The following FAM174A variants were observed in gnomAD, a reference collection of about 807,000 sequenced individuals.
FAM174A encodes the protein membrane protein FAM174A.
In FAM174A, 14 loss-of-function variants were observed where a neutral mutation model predicts 14.3. The ratio of observed to expected loss-of-function variants is 0.98; its 90% CI spans 0.65 to 1.53. The LOEUF is 1.53. Among genes scored for constraint, FAM174A ranks in the 40% most tolerant of loss-of-function variants. The pLI is 0.00. For synonymous variants in FAM174A, 108 were observed against 111.4 expected (o/e 0.97, Z 0.19); for missense variants, 241 against 249.6 (o/e 0.97, Z 0.23).
intron 2 of FAM174A, among the ~76,000 whole-genome samples, chr5:100,577,861 C>T (rs2112402492): frequency 6.6e-6 from 1 of 151,998 alleles, no homozygotes; most frequent in African/African-American, 2.4e-5. Context: ...CAAAATTTTT[C>T]TGAAGATTAA....
At chr5:100,573,744 C>T (rs894920166) in intron 2 of FAM174A, among the ~76,000 whole-genome samples, 1 of 150,468 alleles carries the variant, frequency 6.6e-6, no homozygotes, top group South Asian at 2.1e-4. Flanking sequence ...TCATATGGAA[C>T]CAAAAAAGAG....
chr5:100,571,446 G>A (rs13360835), intron 2 of FAM174A, among the ~76,000 whole-genome samples: 1 of 151,210 alleles, frequency 6.6e-6, no homozygotes, highest in South Asian at 2.1e-4. Flanking sequence ...CAAGAAATTT[G>A]TCCATAATAC....
intron 1 of FAM174A, among the ~76,000 whole-genome samples, chr5:100,557,874 T>C (rs903032030): frequency 5.3e-5 from 8 of 152,106 alleles, no homozygotes; most frequent in African/African-American, 1.9e-4. Flanking sequence ...TTTGTTGATC[T>C]TTTCAAAAAA....
At chr5:100,560,413 A>T (rs768304409) in intron 1 of FAM174A, among the ~76,000 whole-genome samples, 15 of 152,124 alleles carry the variant, frequency 9.9e-5, no homozygotes, top group Non-Finnish European at 1.8e-4. Flanking sequence ...ATATTTACTG[A>T]CCCTTTCATT....
At chr5:100,542,476 A>G (rs1392590761) in intron 1 of FAM174A, among the ~76,000 whole-genome samples, 1 of 152,160 alleles carries the variant, frequency 6.6e-6, no homozygotes, top group Non-Finnish European at 1.5e-5. Flanking sequence ...TTGCTGCTTT[A>G]TGAGCTCAAT....
intron 1 of FAM174A, among the ~76,000 whole-genome samples, chr5:100,542,749 T>G (rs1482207350): frequency 6.6e-6 from 1 of 152,160 alleles, no homozygotes; most frequent in Non-Finnish European, 1.5e-5. Context: ...ATCCCAGCAC[T>G]TTGGGAGGCC....
intron 2 of FAM174A, among the ~76,000 whole-genome samples, chr5:100,564,336 CAAA>C: frequency 6.9e-6 from 1 of 145,670 alleles, no homozygotes; most frequent in South Asian, 2.2e-4. Context: ...TATTTTGAGA[CAAA>C]AAAAAAATGG....
chr5:100,553,834 T>C (rs1393427917), intron 1 of FAM174A, among the ~76,000 whole-genome samples: 1 of 152,154 alleles, frequency 6.6e-6, no homozygotes, highest in Non-Finnish European at 1.5e-5. Flanking sequence ...TTAGGCAAAT[T>C]AGTTTGACCA....
chr5:100,578,691 A>G (rs967392776), intron 2 of FAM174A, among the ~76,000 whole-genome samples: 7 of 152,134 alleles, frequency 4.6e-5, no homozygotes, highest in Non-Finnish European at 8.8e-5. Context: ...CATCCCATTC[A>G]GTACCAAGCG....
chr5:100,548,593 C>G (rs971834729), intron 1 of FAM174A, among the ~76,000 whole-genome samples: 4 of 152,054 alleles, frequency 2.6e-5, no homozygotes, highest in Admixed American at 6.6e-5. Flanking sequence ...AAAACTCAGA[C>G]TCAGTAGTCA....
intron 1 of FAM174A, 84 bp downstream of exon 1, chr5:100,536,048 C>A: frequency 3.2e-6 from 4 of 1,250,538 alleles, no homozygotes; most frequent in Non-Finnish European, 2.2e-6. Flanking sequence ...TTCTGTGACC[C>A]TTTCCCCCTT....
chr5:100,554,588 G>C (rs928299532), intron 1 of FAM174A, among the ~76,000 whole-genome samples: 3 of 152,022 alleles, frequency 2.0e-5, no homozygotes, highest in African/African-American at 7.2e-5. Flanking sequence ...GGGATTACAG[G>C]TGTGAGTAAC....
intron 1 of FAM174A, among the ~76,000 whole-genome samples, chr5:100,552,148 G>GTGTC (rs1282968177): frequency 9.9e-5 from 15 of 152,148 alleles, no homozygotes; most frequent in African/African-American, 3.1e-4. Context: ...TTTTTACTAT[G>GTGTC]TGTCATATAT....
chr5:100,557,379 A>G (rs963938951), intron 1 of FAM174A, among the ~76,000 whole-genome samples: 1 of 151,974 alleles, frequency 6.6e-6, no homozygotes, highest in African/African-American at 2.4e-5. Flanking sequence ...TTCATCAGGG[A>G]TATTGGTCTA....
intron 2 of FAM174A, among the ~76,000 whole-genome samples, chr5:100,585,958 A>G (rs141850970): frequency 6.6e-6 from 1 of 152,318 alleles, no homozygotes; most frequent in African/African-American, 2.4e-5. Flanking sequence ...CAGTAGTTAA[A>G]TATAAAATTC....
chr5:100,581,576 C>T (rs1001483933), intron 2 of FAM174A, among the ~76,000 whole-genome samples: 1 of 152,152 alleles, frequency 6.6e-6, no homozygotes, highest in Non-Finnish European at 1.5e-5. Context: ...GCTGGAAGAC[C>T]ATGCTTAAGG....
chr5:100,575,605 A>C (rs1746886699), intron 2 of FAM174A, among the ~76,000 whole-genome samples: 1 of 152,184 alleles, frequency 6.6e-6, no homozygotes, highest in Non-Finnish European at 1.5e-5. Flanking sequence ...AGGCAATACC[A>C]TTCAGGACAT....
chr5:100,582,229 ATG>A lies in FAM174A; in HGVS notation c.570-3950_570-3949del, dbSNP rs71686552. 7.0e-3 allele frequency among the ~76,000 whole-genome samples: 1,070 copies of A among 152,002 alleles called. 13 individuals are homozygous for A. Among genetic ancestry groups the A allele is most frequent in the African/African-American group, 0.024 (1,011 of 41,444 alleles). On this transcript the variant is annotated intron_variant, in intron 2 of 2. Coordinates refer to ENST00000312637, the MANE Select transcript of FAM174A (RefSeq NM_198507.3). ...TGTACAAAAGAATTCTAAGTGTTAC[ATG>A]TTTTTTTTTAATAACCTTCAGTATA...
intron 2 of FAM174A, among the ~76,000 whole-genome samples, chr5:100,569,462 C>T (rs1412562326): frequency 6.6e-6 from 1 of 151,696 alleles, no homozygotes; most frequent in Admixed American, 6.6e-5. Context: ...TTTATTCAAT[C>T]ACCTATGGTT....
Sources: allele counts gnomAD v4.1 joint callset (sites outside exome capture counted in the v4.1 genomes callset), GRCh38; gene constraint gnomAD v4.1.1; transcripts MANE v1.5; gene names NCBI Gene and HGNC (gene_info 2026-07-23, HGNC 2026-07-21).